SCAI: variants seen among roughly 807,000 people sequenced by gnomAD.
SCAI encodes protein SCAI.
In SCAI, 24 loss-of-function variants were observed where a neutral mutation model predicts 92.2. The observed-to-expected ratio is 0.26, with a 90% CI of 0.19 to 0.37. The LOEUF is 0.37. Ranked by LOEUF, SCAI falls within the 10% of genes least tolerant of loss-of-function variation. SCAI has a pLI of 1.00. For missense variants in SCAI, 450 were observed against 736.2 expected (o/e 0.61, Z 4.50); for synonymous variants, 261 against 258.6 (o/e 1.01, Z -0.09).
chr9:125,004,504 T>C (rs1325806634), intron 9 of SCAI, among the ~76,000 whole-genome samples: 1 of 150,782 alleles, frequency 6.6e-6, no homozygotes, highest in Non-Finnish European at 1.5e-5. Context: ...AATTTTTGTA[T>C]TTTTAACAGA....
intron 2 of SCAI, among the ~76,000 whole-genome samples, chr9:125,119,785 G>A (rs1835121276): frequency 6.6e-6 from 1 of 152,170 alleles, no homozygotes; most frequent in Admixed American, 6.5e-5. Context: ...ACTGTGATGG[G>A]GAACTAGAAG....
intron 2 of SCAI, among the ~76,000 whole-genome samples, chr9:125,129,211 C>T (rs1030838512): frequency 2.0e-5 from 3 of 151,708 alleles, no homozygotes; most frequent in Non-Finnish European, 2.9e-5. Context: ...GAGGCTGAGG[C>T]GAGCCGATCA....
At chr9:125,092,885 G>A (rs1438571205) in intron 2 of SCAI, among the ~76,000 whole-genome samples, 4 of 152,058 alleles carry the variant, frequency 2.6e-5, no homozygotes, top group East Asian at 1.9e-4. Flanking sequence ...ATTCTCTGTC[G>A]AACACACACC....
At chr9:125,033,411 C>A (rs1244034490) in intron 3 of SCAI, among the ~76,000 whole-genome samples, 1 of 151,958 alleles carries the variant, frequency 6.6e-6, no homozygotes, top group African/African-American at 2.4e-5. Flanking sequence ...AGTAGGAAAA[C>A]AGCCTGAATT....
chr9:125,078,828 T>C (rs1398514499), intron 2 of SCAI, among the ~76,000 whole-genome samples: 3 of 152,102 alleles, frequency 2.0e-5, no homozygotes, highest in Non-Finnish European at 4.4e-5. Context: ...AGAGGATCAC[T>C]TGAGCCCAGG....
rs751981740 is a variant in SCAI at position 124,952,798 on chromosome 9, G to T, written c.*9C>A. The T allele has an allele frequency of 6.2e-7, 1 of 1,600,338 alleles. No individual in the cohort carries two copies. Among genetic ancestry groups the T allele is most frequent in the South Asian group, 1.1e-5 (1 of 88,986 alleles). On this transcript the variant is annotated 3_prime_UTR_variant, in exon 18 of 18. Coordinates refer to ENST00000336505, the MANE Select transcript of SCAI (RefSeq NM_001144877.3). ...AATGAAAACTTGTTTCGACAACAGG[G>T]TTTTTGTTTTAATAGTCATCAATGG... is the stretch of plus-strand genomic sequence containing the variant.
chr9:125,031,234 C>T (rs1448935625), intron 3 of SCAI, among the ~76,000 whole-genome samples: 1 of 151,466 alleles, frequency 6.6e-6, no homozygotes, highest in African/African-American at 2.4e-5. Context: ...GAGTCAACTA[C>T]ATTTCACAAG....
chr9:125,110,175 G>C (rs149176704), intron 2 of SCAI, among the ~76,000 whole-genome samples: 1 of 152,284 alleles, frequency 6.6e-6, no homozygotes, highest in East Asian at 1.9e-4. Context: ...AGATTGGAAA[G>C]TTTATTCATT....
intron 2 of SCAI, among the ~76,000 whole-genome samples, chr9:125,064,736 C>CT (rs1253223846): frequency 6.6e-6 from 1 of 152,056 alleles, no homozygotes; most frequent in African/African-American, 2.4e-5. Context: ...ACCCCAGCTA[C>CT]TTGGGAGGCT....
At chr9:125,011,784 A>C (rs1168967868) in intron 9 of SCAI, among the ~76,000 whole-genome samples, 4 of 152,224 alleles carry the variant, frequency 2.6e-5, no homozygotes, top group Non-Finnish European at 5.9e-5. Context: ...GCCAGATAGA[A>C]AGGTCGGGTT....
chr9:125,052,979 C>A (rs1432523829), intron 3 of SCAI, among the ~76,000 whole-genome samples: 3 of 151,904 alleles, frequency 2.0e-5, no homozygotes, highest in Non-Finnish European at 4.4e-5. Flanking sequence ...GGTGATGAGG[C>A]CACTTTGGAA....
intron 3 of SCAI, among the ~76,000 whole-genome samples, chr9:125,049,056 T>C (rs929124970): frequency 6.6e-6 from 1 of 152,118 alleles, no homozygotes; most frequent in Non-Finnish European, 1.5e-5. Context: ...GGAGCATATT[T>C]AATAAAAATA....
intron 9 of SCAI, among the ~76,000 whole-genome samples, chr9:125,010,349 G>T (rs1429923005): frequency 6.6e-6 from 1 of 152,196 alleles, no homozygotes; most frequent in Admixed American, 6.5e-5. Flanking sequence ...TTTTCCGACG[G>T]GCTTAAAAAA....
At chr9:125,117,108 T>C (rs952867323) in intron 2 of SCAI, among the ~76,000 whole-genome samples, 2 of 152,224 alleles carry the variant, frequency 1.3e-5, no homozygotes, top group African/African-American at 4.8e-5. Flanking sequence ...TAACATTTCA[T>C]TAACTACTTA....
At chr9:125,131,538 T>C (rs1490499413) in intron 2 of SCAI, among the ~76,000 whole-genome samples, 1 of 152,026 alleles carries the variant, frequency 6.6e-6, no homozygotes, top group East Asian at 1.9e-4. Context: ...CTTGAATGAG[T>C]CCCACAGGAC....
chr9:125,066,029 G>A (rs1463899958), intron 2 of SCAI: 1 of 771,414 alleles, frequency 1.3e-6, no homozygotes, highest in East Asian at 2.4e-5. Context: ...TTGAGATTGT[G>A]AATGACTGCT....
chr9:125,030,995 T>A (rs751023911), intron 3 of SCAI, among the ~76,000 whole-genome samples: 13 of 152,216 alleles, frequency 8.5e-5, no homozygotes, highest in Non-Finnish European at 1.8e-4. Context: ...CAGCCTCATC[T>A]TCGAGGGCAA....
intron 17 of SCAI, among the ~76,000 whole-genome samples, chr9:124,956,133 A>C (rs1419079986): frequency 6.6e-6 from 1 of 152,238 alleles, no homozygotes; most frequent in Non-Finnish European, 1.5e-5. Context: ...TCCATAATGA[A>C]ATATTAGCAA....
chr9:125,099,561 C>G (rs577429553), intron 2 of SCAI, among the ~76,000 whole-genome samples: 1 of 152,156 alleles, frequency 6.6e-6, no homozygotes, highest in South Asian at 2.1e-4. Flanking sequence ...GGATTACAGA[C>G]GGCAGCTTTT....
Sources: allele counts gnomAD v4.1 joint callset (sites outside exome capture counted in the v4.1 genomes callset), GRCh38; gene constraint gnomAD v4.1.1; transcripts MANE v1.5; gene names NCBI Gene and HGNC (gene_info 2026-07-23, HGNC 2026-07-21).